GRID2: variants seen among roughly 807,000 people sequenced by gnomAD.
The protein encoded by GRID2 is glutamate ionotropic receptor delta type subunit 2.
GRID2 carries 33 observed loss-of-function variants against 114.8 expected under a neutral mutation model. That is an observed-to-expected ratio of 0.29 (90% confidence interval 0.22 to 0.38). The LOEUF is 0.38. Ranked by LOEUF, GRID2 falls within the 10% of genes least tolerant of loss-of-function variation. The pLI is 1.00. For missense variants in GRID2, 1,184 were observed against 1,257.7 expected (o/e 0.94, Z 0.89); for synonymous variants, 505 against 449.9 (o/e 1.12, Z -1.55).
At chr4:92,719,285 C>A (rs547206400) in intron 2 of GRID2, among the ~76,000 whole-genome samples, 1 of 152,100 alleles carries the variant, frequency 6.6e-6, no homozygotes, top group East Asian at 1.9e-4. Flanking sequence ...CTGTGCCTGG[C>A]CAAAAGACAG....
chr4:93,741,178 T>TAC (rs1731357761), intron 14 of GRID2, among the ~76,000 whole-genome samples: 1 of 28,440 alleles, frequency 3.5e-5, no homozygotes, highest in Non-Finnish European at 7.0e-5. Flanking sequence ...TATATACATA[T>TAC]ATATATATAT....
chr4:93,684,096 A>G (rs1725855651), intron 14 of GRID2, among the ~76,000 whole-genome samples: 1 of 152,186 alleles, frequency 6.6e-6, no homozygotes, highest in Non-Finnish European at 1.5e-5. Context: ...ACACCTATTC[A>G]TACACACTCC....
chr4:93,323,435 T>C (rs1288547141), intron 8 of GRID2, among the ~76,000 whole-genome samples: 1 of 152,172 alleles, frequency 6.6e-6, no homozygotes, highest in Non-Finnish European at 1.5e-5. Context: ...TACCATGCTG[T>C]TTTGGTTACT....
intron 12 of GRID2, 43 bp from the exon 13 acceptor site, chr4:93,515,173 A>G: frequency 1.2e-6 from 1 of 846,802 alleles, no homozygotes; most frequent in South Asian, 2.5e-5. Flanking sequence ...GAAAATACTC[A>G]GTAATGTGTC....
intron 2 of GRID2, among the ~76,000 whole-genome samples, chr4:92,973,109 T>C (rs1332852307): frequency 6.6e-6 from 1 of 152,198 alleles, no homozygotes; most frequent in Non-Finnish European, 1.5e-5. Context: ...TTTATATTCC[T>C]TTGCACATGT....
intron 4 of GRID2, among the ~76,000 whole-genome samples, chr4:93,154,569 T>A (rs1470755914): frequency 6.6e-6 from 1 of 152,000 alleles, no homozygotes; most frequent in Admixed American, 6.6e-5. Flanking sequence ...AATCTCTTAG[T>A]GCAATGTACA....
intron 2 of GRID2, among the ~76,000 whole-genome samples, chr4:92,713,506 TATA>T: frequency 7.4e-6 from 1 of 135,994 alleles, no homozygotes; most frequent in East Asian, 2.2e-4. Context: ...TATATATATA[TATA>T]TATATATATT....
chr4:93,467,140 G>A (rs954970001), intron 11 of GRID2, among the ~76,000 whole-genome samples: 1 of 152,156 alleles, frequency 6.6e-6, no homozygotes, highest in Non-Finnish European at 1.5e-5. Flanking sequence ...GAAAATCAAA[G>A]TTCATGATAG....
At chr4:93,472,534 G>A (rs1389422757) in intron 11 of GRID2, among the ~76,000 whole-genome samples, 1 of 152,126 alleles carries the variant, frequency 6.6e-6, no homozygotes, top group African/African-American at 2.4e-5. Context: ...TATTTATCAG[G>A]AGTTTAAAAA....
rs1726677930 is a variant in GRID2, at chr4:92,327,843, A to C, written c.88+23099A>C. Among the ~76,000 whole-genome samples, 4 of 152,062 alleles carry C rather than the reference A, an allele frequency of 2.6e-5. No individual in the cohort carries two copies. The South Asian group carries it at 8.3e-4, about 31-fold the overall frequency. On this transcript the variant is annotated intron_variant, in intron 1 of 15. Transcript: ENST00000282020. The stretch of plus-strand genomic sequence containing the variant: ...CACGTAGAGAATAGAAAGAAACTAA[A>C]AAAGAAATTAACAATGATTAAAATA...
intron 8 of GRID2, among the ~76,000 whole-genome samples, chr4:93,337,816 C>T (rs1759242347): frequency 6.6e-6 from 1 of 152,104 alleles, no homozygotes; most frequent in South Asian, 2.1e-4. Flanking sequence ...AAATTACATG[C>T]AAACTTTTTA....
chr4:92,942,148 T>C lies in GRID2; in HGVS notation c.245-142847T>C, dbSNP rs1011368129. On this transcript the variant is annotated intron_variant, in intron 2 of 15. Coordinates refer to ENST00000282020, the MANE Select transcript of GRID2 (RefSeq NM_001510.4). ...TTGTTAACTTTCTGTCTTGTTGATC[T>C]GTCTAATGTTGACAGTGGGGTGTTA... Among the ~76,000 whole-genome samples, 4 of 152,216 alleles carry C rather than the reference T, an allele frequency of 2.6e-5. No homozygotes were observed. In the East Asian group the frequency reaches 7.7e-4, roughly 29 times the overall value.
intron 1 of GRID2, among the ~76,000 whole-genome samples, chr4:93,783,420 G>C (rs960742233): frequency 6.6e-6 from 1 of 152,182 alleles, no homozygotes; most frequent in African/African-American, 2.4e-5. Flanking sequence ...GAATCAAGGC[G>C]AGATGGAGGT....
chr4:93,636,917 C>A (rs897219019), intron 14 of GRID2, among the ~76,000 whole-genome samples: 2 of 152,150 alleles, frequency 1.3e-5, no homozygotes, highest in Non-Finnish European at 2.9e-5. Flanking sequence ...AGTGTCCCAT[C>A]CCCTGCCCTG....
chr4:93,616,530 A>G (rs151059448), intron 13 of GRID2, among the ~76,000 whole-genome samples: 3,938 of 147,124 alleles, frequency 0.027, 86 homozygotes, highest in South Asian at 0.046. Context: ...TGGGCAACAG[A>G]ATGAGACTCT....
chr4:92,664,109 A>G (rs941855980), intron 2 of GRID2, among the ~76,000 whole-genome samples: 1 of 151,214 alleles, frequency 6.6e-6, no homozygotes, highest in South Asian at 2.1e-4. Flanking sequence ...TGGAGAGACT[A>G]TCGATTTGAG....
At chr4:92,709,950 G>A (rs1237215064) in intron 2 of GRID2, among the ~76,000 whole-genome samples, 1 of 151,910 alleles carries the variant, frequency 6.6e-6, no homozygotes, top group African/African-American at 2.4e-5. Flanking sequence ...TATGTAACAG[G>A]TTGTCTTTTT....
In GRID2 at chr4:93,085,850, T is replaced by TA. The variant is rs889320641; in HGVS notation, c.529+581dup. ...GAAGTCTCACAAAAGTACTAAGTAG[T>TA]AAAAAAAAAATTCTTTAATCTTCCA... On this transcript the variant is annotated intron_variant, in intron 3 of 15. Coordinates refer to ENST00000282020, the MANE Select transcript of GRID2 (RefSeq NM_001510.4). Among the ~76,000 whole-genome samples the TA allele has an allele frequency of 5.7e-4, 85 of 150,338 alleles. No homozygotes were observed. In the Middle Eastern group the frequency reaches 0.01, roughly 18 times the overall value.
At chr4:92,989,492 A>G (rs551015336) in intron 2 of GRID2, among the ~76,000 whole-genome samples, 11 of 151,972 alleles carry the variant, frequency 7.2e-5, no homozygotes, top group Admixed American at 2.0e-4. Flanking sequence ...GGCTTATCAT[A>G]TAAGTTAGAT....
Sources: gnomAD v4.1 joint callset for allele counts (sites outside exome capture counted in the v4.1 genomes callset) on GRCh38, gnomAD v4.1.1 for gene constraint, MANE v1.5 for transcripts, NCBI Gene and HGNC (gene_info 2026-07-23, HGNC 2026-07-21) for gene names.